Variants in DHTKD1 observed in about 807,000 individuals in gnomAD.
DHTKD1 encodes the protein dehydrogenase E1 and transketolase domain containing 1, also known as 2-oxoadipate dehydrogenase complex component E1.
DHTKD1 carries 78 observed loss-of-function variants against 101.8 expected under a neutral mutation model. The ratio of observed to expected loss-of-function variants is 0.77; its 90% CI spans 0.64 to 0.93. The LOEUF (loss-of-function observed/expected upper bound fraction) is 0.93. DHTKD1 is among the 40% of genes least tolerant of loss of function. DHTKD1 has a pLI of 0.00. For synonymous variants in DHTKD1, 462 were observed against 450.3 expected (o/e 1.03, Z -0.33); for missense variants, 1,223 against 1,161.7 (o/e 1.05, Z -0.77).
chr10:12,117,304 CTTTTTTTTT>C (rs71382683), intron 13 of DHTKD1, among the ~76,000 whole-genome samples: 288 of 71,578 alleles, frequency 4.0e-3, no homozygotes, highest in Non-Finnish European at 6.5e-3. Context: ...GCCACGGCAC[CTTTTTTTTT>C]TTTTTTTTTT....
Position 12,100,179 on chromosome 10 carries a change from C to A in DHTKD1, c.1673C>A (p.Ser558Tyr). The change falls in exon 9 of 17, where the codon TCC becomes TAC. Residue 558 changes from serine (S) to tyrosine (Y), a missense_variant and splice_region_variant. Ser to Tyr is a moderately radical substitution (Grantham distance 144, BLOSUM62 -2). Transcript: ENST00000263035. ...HSHLLKTHVQSRMEKMMDGIK... is the reference protein window; with the variant it reads ...HSHLLKTHVQYRMEKMMDGIK... ...TTTTTCTTCCTCTGAATTTTACAGTCCAGAATGGAGAAGATGATGGACGGA... is the reference window on the plus strand; with the variant it reads ...TTTTTCTTCCTCTGAATTTTACAGTACAGAATGGAGAAGATGATGGACGGA... The A allele has an allele frequency of 6.3e-7, 1 of 1,578,478 alleles. No homozygotes were observed. Among genetic ancestry groups the A allele is most frequent in the Non-Finnish European group, 8.6e-7 (1 of 1,159,818 alleles).
At chr10:12,119,541 G>A (rs1168706672) in intron 15 of DHTKD1, among the ~76,000 whole-genome samples, 6 of 149,992 alleles carry the variant, frequency 4.0e-5, no homozygotes, top group Non-Finnish European at 7.4e-5. Context: ...GCGTGAACCC[G>A]GGAGGCGGAG....
rs920822466 is a variant in DHTKD1 at position 12,103,504 on chromosome 10, TGTGTG to T, written c.1896+2324_1896+2328del. ...GTACATCTCAATCTGTGTGTGTGTGTGTGTGTGTGTGTGTGTGTGTGTGTATGTAT... is the reference window on the plus strand; with the variant it reads ...GTACATCTCAATCTGTGTGTGTGTGTTGTGTGTGTGTGTGTGTGTATGTAT... On this transcript the variant is annotated intron_variant, in intron 10 of 16. Coordinates refer to ENST00000263035, the MANE Select transcript of DHTKD1 (RefSeq NM_018706.7). The surrounding 1 kb of genome is among the most constrained non-coding windows in gnomAD (Gnocchi z 4.8). 2.0e-5 allele frequency among the ~76,000 whole-genome samples: 3 copies of T among 151,348 alleles called. No individual in the cohort carries two copies. Among genetic ancestry groups the T allele is most frequent in the African/African-American group, 7.3e-5 (3 of 41,186 alleles).
intron 6 of DHTKD1, among the ~76,000 whole-genome samples, chr10:12,093,202 C>T (rs2131361930): frequency 6.6e-6 from 1 of 152,236 alleles, no homozygotes; most frequent in African/African-American, 2.4e-5. Context: ...CACCACCACA[C>T]CCAGCTAAAT....
At chr10:12,082,095 C>G (rs773897351) in intron 2 of DHTKD1, among the ~76,000 whole-genome samples, 10 of 151,996 alleles carry the variant, frequency 6.6e-5, no homozygotes, top group Admixed American at 2.0e-4. Flanking sequence ...CCACTGCACT[C>G]CAGCCTGGGC....
chr10:12,091,808 A>G, intron 6 of DHTKD1, 124 bp downstream of exon 6: 1 of 712,894 alleles, frequency 1.4e-6, no homozygotes, highest in Non-Finnish European at 2.1e-6. Flanking sequence ...TAATTAATTA[A>G]TTAATTAATT....
chr10:12,091,792 T>A, intron 6 of DHTKD1, 108 bp downstream of exon 6: 1 of 782,386 alleles, frequency 1.3e-6, no homozygotes, highest in Non-Finnish European at 1.9e-6. Context: ...CCTCCTTTCA[T>A]TTAATTAATT....
chr10:12,101,494 T>C (rs751269849), intron 10 of DHTKD1, among the ~76,000 whole-genome samples: 3 of 152,244 alleles, frequency 2.0e-5, no homozygotes, highest in Admixed American at 6.5e-5. Flanking sequence ...GTCAAAGATA[T>C]GGATAAGTCA....
chr10:12,118,729 G>T lies in DHTKD1; in HGVS notation c.2403-20G>T. The T allele has an allele frequency of 6.7e-7, 1 of 1,484,840 alleles. No individual in the cohort carries two copies. Among genetic ancestry groups the T allele is most frequent in the Non-Finnish European group, 9.0e-7 (1 of 1,113,812 alleles). 92.0% of individuals were successfully genotyped at this position (1,484,840 alleles called of 1,614,324 possible). A position where few individuals can be genotyped will look rare whatever the true frequency, so the allele number is the denominator to read the frequency against. ...TAAAAAATTTCTCCCCCACCCTATT[G>T]TTCCTTTTCTGTCCAACAGGGTTAA... On this transcript the variant is annotated intron_variant, in intron 14 of 16. Coordinates refer to ENST00000263035, the MANE Select transcript of DHTKD1 (RefSeq NM_018706.7).
Position 12,091,575 on chromosome 10 carries a change from T to A in DHTKD1, c.1050T>A (p.Asn350Lys). The change falls in exon 6 of 17, where the codon AAT becomes AAA. Residue 350 changes from asparagine to lysine, a missense_variant. By Grantham distance (94) the Asn-to-Lys change is moderately conservative. Transcript: ENST00000263035. ...GIVPETFTLSNLPHFRIGGSV... is the reference protein window; with the variant it reads ...GIVPETFTLSKLPHFRIGGSV... ...TTCCTGAAACATTCACGCTGTCCAA[T>A]CTCCCACATTTCAGAATTGGTGGGA... 1 of 1,613,356 alleles carries A rather than the reference T, an allele frequency of 6.2e-7. No individual in the cohort carries two copies.
rs1195057011 is a variant in DHTKD1, at chr10:12,106,918, A to T, written c.2047+522A>T. On this transcript the variant is annotated intron_variant, in intron 11 of 16. Coordinates refer to ENST00000263035, the MANE Select transcript of DHTKD1 (RefSeq NM_018706.7). ...CAGAGACTGTTCTGTCGTGCCCACC[A>T]CCCCCTGTTTCAAGACAGTGGCCTG... 6.7e-5 allele frequency among the ~76,000 whole-genome samples: 10 copies of T among 149,664 alleles called. No individual in the cohort carries two copies. In the East Asian group the frequency reaches 2.0e-3, roughly 29 times the overall value.
intron 2 of DHTKD1, among the ~76,000 whole-genome samples, chr10:12,084,321 A>AT (rs923083752): frequency 8.4e-6 from 1 of 118,830 alleles, no homozygotes; most frequent in African/African-American, 2.7e-5. Context: ...TTTTTTTTAA[A>AT]TTTTTTTTAA....
chr10:12,084,699 C>T lies in DHTKD1; in HGVS notation c.470C>T (p.Thr157Met), dbSNP rs375917261. The T allele has an allele frequency of 8.1e-6, 13 of 1,613,978 alleles. No homozygotes were observed. The highest frequency in any genetic ancestry group is 1.7e-5 in the Admixed American group (1 of 59,964). ...AKRFEELQKETFTTEERKHLS... is the reference protein window; with the variant it reads ...AKRFEELQKEMFTTEERKHLS... ...CGGTTTGAGGAACTGCAAAAGGAGA[C>T]GTTTACCACAGAAGAGCGAAAACAT... Residue 157 changes from threonine (T) to methionine (M), a missense_variant, in exon 3 of 17, where the codon ACG (threonine) becomes ATG (methionine). By Grantham distance (81) the Thr-to-Met change is moderately conservative. Transcript: ENST00000263035.
At chr10:12,115,042 G>T (rs909031512) in intron 13 of DHTKD1, among the ~76,000 whole-genome samples, 3 of 151,650 alleles carry the variant, frequency 2.0e-5, no homozygotes, top group Admixed American at 6.6e-5. Flanking sequence ...TGATCCGCCC[G>T]CCTCGGCCTC....
At chr10:12,074,221 G>A (rs751758072) in intron 1 of DHTKD1, among the ~76,000 whole-genome samples, 3 of 151,886 alleles carry the variant, frequency 2.0e-5, no homozygotes, top group Non-Finnish European at 4.4e-5. Flanking sequence ...ACTCTGTGTC[G>A]CCCAGACTGA....
At chr10:12,116,502 T>G (rs1170215268) in intron 13 of DHTKD1, 1 of 151,872 alleles carries the variant, frequency 6.6e-6, no homozygotes, top group Non-Finnish European at 1.5e-5. Context: ...GCAATTCTTG[T>G]GTCTCACTCT....
chr10:12,077,027 C>A, intron 1 of DHTKD1, among the ~76,000 whole-genome samples: 1 of 139,988 alleles, frequency 7.1e-6, no homozygotes, highest in African/African-American at 2.6e-5. Context: ...GCAATTTCTA[C>A]ATAGGATTAT....
chr10:12,074,665 GC>G (rs111975335), intron 1 of DHTKD1, among the ~76,000 whole-genome samples: 150,945 of 150,950 alleles, frequency 1, 75,470 homozygotes, highest in Middle Eastern at 1. Flanking sequence ...TTGCTATGTT[GC>G]CCCAGGCTGG....
Position 12,113,440 on chromosome 10 carries a change from C to T in DHTKD1, c.2319+376C>T, listed in dbSNP as rs140008470. Among the ~76,000 whole-genome samples the T allele has an allele frequency of 9.3e-3, 1,419 of 152,284 alleles. 27 individuals are homozygous for T. Among genetic ancestry groups the T allele is most frequent in the African/African-American group, 0.032 (1,341 of 41,560 alleles). ...CTCTAACTCTTGACCTCAGGTGATT[C>T]GCCCGCCTCGGCCTCCCAAAGTGCT... On this transcript the variant is annotated intron_variant, in intron 13 of 16. Coordinates refer to ENST00000263035, the MANE Select transcript of DHTKD1 (RefSeq NM_018706.7).
Sources: gnomAD v4.1 joint callset for allele counts (sites outside exome capture counted in the v4.1 genomes callset) on GRCh38, gnomAD v4.1.1 for gene constraint, Gnocchi (gnomAD v3.1) non-coding constraint, MANE v1.5 for transcripts, NCBI Gene and HGNC (gene_info 2026-07-23, HGNC 2026-07-21) for gene names.